The following RNF13 variants were observed in gnomAD, a reference collection of about 807,000 sequenced individuals.
RNF13 encodes E3 ubiquitin-protein ligase RNF13.
In RNF13, 19 loss-of-function variants were observed where a neutral mutation model predicts 37.7. That is an observed-to-expected ratio of 0.50 (90% CI 0.35 to 0.74). RNF13 has a LOEUF of 0.74. Ranked by LOEUF, RNF13 falls within the 30% of genes least tolerant of loss-of-function variation. The pLI is 0.01. For synonymous variants in RNF13, 144 were observed against 157.8 expected (o/e 0.91, Z 0.65); for missense variants, 375 against 453.0 (o/e 0.83, Z 1.56).
At chr3:149,953,509 A>G (rs1721549636) in intron 8 of RNF13, among the ~76,000 whole-genome samples, 1 of 152,238 alleles carries the variant, frequency 6.6e-6, no homozygotes. Flanking sequence ...TGAAGAAAAA[A>G]GTGTTCTGGC....
rs148961126 is a variant in RNF13, at chr3:149,875,492, A to G, written c.321+3338A>G. On this transcript the variant is annotated intron_variant, in intron 4 of 9. Transcript: ENST00000392894. The stretch of plus-strand genomic sequence containing the variant: ...TGTATGTTATAATTTTTAAAATGGC[A>G]TATTTTCTTCATACAAACCATCCCA... 2.8e-3 allele frequency among the ~76,000 whole-genome samples: 432 copies of G among 152,320 alleles called. 2 individuals carry two copies. The highest frequency in any genetic ancestry group is 9.9e-3 in the African/African-American group (413 of 41,584).
At chr3:149,821,061 A>T (rs945698365) in intron 1 of RNF13, among the ~76,000 whole-genome samples, 14 of 152,140 alleles carry the variant, frequency 9.2e-5, no homozygotes, top group Non-Finnish European at 1.9e-4. Flanking sequence ...TTGTTTATCC[A>T]TTTATCCATC....
chr3:149,932,589 G>T (rs899031552), intron 8 of RNF13, among the ~76,000 whole-genome samples: 1 of 152,164 alleles, frequency 6.6e-6, no homozygotes, highest in African/African-American at 2.4e-5. Context: ...AGGGAAATAG[G>T]CCCCACACAA....
At position 149,912,151 on chromosome 3, in the gene RNF13, T is replaced by C. The variant is rs138693598; in HGVS notation, c.606+68T>C. Reference sequence around the variant, plus strand: ...ATGAATCTAAAAACATTGTATTGAGTGAGAGAATTTAAACAATGTGTACAT... The same window carrying C: ...ATGAATCTAAAAACATTGTATTGAGCGAGAGAATTTAAACAATGTGTACAT... On this transcript the variant is annotated intron_variant, in intron 7 of 9. Transcript: ENST00000392894. 3.0e-4 allele frequency: 226 copies of C among 758,500 alleles called. 2 individuals are homozygous for C. The highest frequency in any genetic ancestry group is 2.7e-5 in the Non-Finnish European group (12 of 440,770). The allele number at this position is 758,500 out of a possible 1,614,324, so 47.0% of individuals were successfully genotyped here.
At chr3:149,844,579 A>T (rs562231666) in intron 1 of RNF13, among the ~76,000 whole-genome samples, 3 of 152,318 alleles carry the variant, frequency 2.0e-5, no homozygotes, top group African/African-American at 7.2e-5. Flanking sequence ...TGTTCTTACT[A>T]GGAAATAGTG....
chr3:149,955,270 T>A (rs1559976320), intron 8 of RNF13, among the ~76,000 whole-genome samples: 1 of 151,728 alleles, frequency 6.6e-6, no homozygotes, highest in Non-Finnish European at 1.5e-5. Flanking sequence ...ATAATTTTTT[T>A]AAATTTTATA....
intron 1 of RNF13, among the ~76,000 whole-genome samples, chr3:149,823,354 T>A (rs1720178376): frequency 2.0e-5 from 3 of 152,138 alleles, no homozygotes; most frequent in Admixed American, 2.0e-4. Flanking sequence ...TATTAGCTAT[T>A]TTTGTCATTT....
At position 149,853,455 on chromosome 3, in the gene RNF13, G is replaced by GGAGAGA. The variant is rs397842025; in HGVS notation, c.195+900_195+905dup. On this transcript the variant is annotated intron_variant, in intron 3 of 9. Transcript: ENST00000392894. ...TGCTGTGTGTGTGAGAGAGAGAGAG[G>GGAGAGA]GAGAGAGAGAGAGAGAGAGAGAGAG... 9.7e-3 allele frequency among the ~76,000 whole-genome samples: 1,139 copies of GGAGAGA among 117,264 alleles called. 34 individuals are homozygous for GGAGAGA. The highest frequency in any genetic ancestry group is 0.028 in the African/African-American group (859 of 30,632). 76.9% of individuals were successfully genotyped at this position (117,264 alleles called of 152,430 possible).
At chr3:149,845,560 C>T (rs1205080508) in intron 1 of RNF13, among the ~76,000 whole-genome samples, 1 of 152,010 alleles carries the variant, frequency 6.6e-6, no homozygotes, top group Non-Finnish European at 1.5e-5. Flanking sequence ...GTACAATATA[C>T]AATAGCAAAT....
chr3:149,885,438 T>C (rs998361023), intron 4 of RNF13, among the ~76,000 whole-genome samples: 1 of 152,218 alleles, frequency 6.6e-6, no homozygotes, highest in Non-Finnish European at 1.5e-5. Flanking sequence ...TGGGGTGAGA[T>C]GATATCTCAT....
intron 4 of RNF13, among the ~76,000 whole-genome samples, chr3:149,889,835 A>C (rs1242299597): frequency 6.6e-6 from 1 of 151,670 alleles, no homozygotes; most frequent in Non-Finnish European, 1.5e-5. Context: ...TTGTATTTTT[A>C]GTAGAGATGG....
At chr3:149,861,186 T>G (rs1724215115) in intron 3 of RNF13, among the ~76,000 whole-genome samples, 1 of 150,466 alleles carries the variant, frequency 6.6e-6, no homozygotes, top group African/African-American at 2.5e-5. Context: ...ACAACTACTG[T>G]GGAAAACGGT....
intron 3 of RNF13, among the ~76,000 whole-genome samples, chr3:149,863,789 A>G (rs1724518614): frequency 6.6e-6 from 1 of 152,164 alleles, no homozygotes; most frequent in Non-Finnish European, 1.5e-5. Flanking sequence ...TTTTGTTAAG[A>G]ATTCTGTAGT....
At chr3:149,840,208 A>C (rs1722033631) in intron 1 of RNF13, among the ~76,000 whole-genome samples, 1 of 152,214 alleles carries the variant, frequency 6.6e-6, no homozygotes, top group African/African-American at 2.4e-5. Context: ...AATGTCTGTT[A>C]ATAACTAGTA....
intron 4 of RNF13, among the ~76,000 whole-genome samples, chr3:149,877,418 A>C (rs1712846764): frequency 6.7e-6 from 1 of 149,598 alleles, no homozygotes; most frequent in Non-Finnish European, 1.5e-5. Flanking sequence ...TTAAATTACC[A>C]TAAACATTTT....
In RNF13 at chr3:149,950,844, C is replaced by G. The variant is rs148817944; in HGVS notation, c.701-9212C>G. 8.9e-3 allele frequency among the ~76,000 whole-genome samples: 1,351 copies of G among 152,126 alleles called. 20 individuals carry two copies. Among genetic ancestry groups the G allele is most frequent in the African/African-American group, 0.031 (1,284 of 41,498 alleles). Reference sequence around the variant, plus strand: ...TCACAAGTGCCCGTCACTTCTTTTCCCAGAATTAGGTGGGACAAGATGGCT... The same window carrying G: ...TCACAAGTGCCCGTCACTTCTTTTCGCAGAATTAGGTGGGACAAGATGGCT... On this transcript the variant is annotated intron_variant, in intron 8 of 9. Transcript: ENST00000392894.
chr3:149,844,553 T>G (rs1448292799), intron 1 of RNF13, among the ~76,000 whole-genome samples: 1 of 152,216 alleles, frequency 6.6e-6, no homozygotes, highest in Admixed American at 6.5e-5. Flanking sequence ...TTTTGTAAAG[T>G]GTAGGCACAC....
At chr3:149,944,462 C>T (rs1361276823) in intron 8 of RNF13, among the ~76,000 whole-genome samples, 2 of 152,184 alleles carry the variant, frequency 1.3e-5, no homozygotes, top group Non-Finnish European at 2.9e-5. Flanking sequence ...TATTTCTCCA[C>T]ATCCTCTCCA....
At chr3:149,954,564 A>G (rs1721677212) in intron 8 of RNF13, among the ~76,000 whole-genome samples, 2 of 152,206 alleles carry the variant, frequency 1.3e-5, no homozygotes, top group African/African-American at 4.8e-5. Context: ...TTCCATTGGC[A>G]TAGCTTGTAA....
Sources: allele counts gnomAD v4.1 joint callset (sites outside exome capture counted in the v4.1 genomes callset), GRCh38; gene constraint gnomAD v4.1.1; transcripts MANE v1.5; gene names NCBI Gene and HGNC (gene_info 2026-07-23, HGNC 2026-07-21).